The following PLCB1 variants were observed in gnomAD, a reference collection of about 807,000 sequenced individuals.
PLCB1 encodes 1-phosphatidylinositol 4,5-bisphosphate phosphodiesterase beta-1.
Under a neutral mutation model 161.8 loss-of-function variants are expected in PLCB1, and 46 were observed. That is an observed-to-expected ratio of 0.28 (90% CI 0.22 to 0.36). The LOEUF is 0.36. Ranked by LOEUF, PLCB1 falls within the 10% of genes least tolerant of loss-of-function variation. The pLI is 1.00. For synonymous variants in PLCB1, 517 were observed against 503.7 expected, an observed-to-expected ratio of 1.03 and a Z score of -0.35; for missense variants, 1,016 against 1,472.5, an observed-to-expected ratio of 0.69 and a Z score of 5.07.
At chr20:8,798,127 G>T (rs1370579208) in intron 31 of PLCB1, among the ~76,000 whole-genome samples, 1 of 151,916 alleles carries the variant, frequency 6.6e-6, no homozygotes, top group Non-Finnish European at 1.5e-5. Context: ...GACCTGGGAG[G>T]TGGAGGCTGC....
intron 3 of PLCB1, among the ~76,000 whole-genome samples, chr20:8,494,515 T>C (rs894663528): frequency 4.6e-5 from 7 of 152,196 alleles, no homozygotes; most frequent in Admixed American, 6.5e-5. Context: ...GAAGCTAGCC[T>C]GCACTTAAGT....
intron 3 of PLCB1, among the ~76,000 whole-genome samples, chr20:8,416,629 G>A (rs1979282969): frequency 6.6e-6 from 1 of 152,080 alleles, no homozygotes; most frequent in South Asian, 2.1e-4. Flanking sequence ...AAAAGATTCT[G>A]TAGATATTGA....
intron 14 of PLCB1, among the ~76,000 whole-genome samples, chr20:8,719,871 C>A (rs952537995): frequency 1.3e-5 from 2 of 152,022 alleles, no homozygotes; most frequent in Non-Finnish European, 2.9e-5. Context: ...AAAAAAGTAG[C>A]CTGAGACTCT....
At chr20:8,428,237 C>G (rs1295513740) in intron 3 of PLCB1, among the ~76,000 whole-genome samples, 1 of 144,308 alleles carries the variant, frequency 6.9e-6, no homozygotes, top group Non-Finnish European at 1.5e-5. Context: ...TTTTTTTTTT[C>G]TGTGACAGAG....
intron 2 of PLCB1, among the ~76,000 whole-genome samples, chr20:8,329,780 T>C (rs944822820): frequency 6.6e-6 from 1 of 152,174 alleles, no homozygotes; most frequent in African/African-American, 2.4e-5. Context: ...AGAGTCCACC[T>C]ATGCAATTCT....
chr20:8,742,580 G>T (rs1328834581), intron 23 of PLCB1, among the ~76,000 whole-genome samples: 1 of 152,176 alleles, frequency 6.6e-6, no homozygotes, highest in Non-Finnish European at 1.5e-5. Flanking sequence ...TAAATGTGGG[G>T]TGTATACATA....
rs35245209 is a variant in PLCB1, at chr20:8,765,269, A to G, written c.2841A>G (p.Glu947=). ...AGAAAACCACTGACCTTATCAAAGA[A>G]CACACTACCAAGTATAATGAAATTC... ...HHKKTTDLIK[E]HTTKYNEIQN... The change falls in exon 26 of 32, where the codon GAA becomes GAG. Residue 947 remains glutamate (E), a synonymous_variant. Coordinates refer to ENST00000338037, the MANE Select transcript of PLCB1 (RefSeq NM_015192.4). 1.0e-4 allele frequency: 169 copies of G among 1,614,138 alleles called. No homozygotes were observed. The African/African-American group carries it at 2.1e-3, about 20-fold the overall frequency.
chr20:8,301,810 C>A (rs76570720), intron 2 of PLCB1, among the ~76,000 whole-genome samples: 1 of 152,214 alleles, frequency 6.6e-6, no homozygotes, highest in Non-Finnish European at 1.5e-5. Flanking sequence ...TGAGTTTGCA[C>A]GGCAATATGC....
chr20:8,789,611 C>T lies in PLCB1; in HGVS notation c.3336+36C>T, dbSNP rs181530032. The stretch of plus-strand genomic sequence containing the variant: ...TCATCACGCTCTCTCCTTTGCAAAA[C>T]ATGTGTGAACATTTGGTGAGCTCGC... On this transcript the variant is annotated intron_variant, in intron 30 of 31. Transcript: ENST00000338037. 774 of 1,468,730 alleles carry T rather than the reference C, an allele frequency of 5.3e-4. 4 individuals carry two copies. In the African/African-American group the frequency reaches 8.6e-3, roughly 16 times the overall value. 91.0% of individuals were successfully genotyped at this position (1,468,730 alleles called of 1,614,324 possible).
chr20:8,571,433 G>A (rs1394606759), intron 3 of PLCB1, among the ~76,000 whole-genome samples: 1 of 152,162 alleles, frequency 6.6e-6, no homozygotes, highest in Non-Finnish European at 1.5e-5. Context: ...AGTGAGCTGA[G>A]ATCATGCCAC....
intron 2 of PLCB1, among the ~76,000 whole-genome samples, chr20:8,219,081 C>T (rs1213384973): frequency 6.6e-6 from 1 of 152,124 alleles, no homozygotes; most frequent in Non-Finnish European, 1.5e-5. Flanking sequence ...CCAATCCTAG[C>T]ATTTGAATCC....
Position 8,319,855 on chromosome 20 carries a change from G to C in PLCB1, c.178-51527G>C, listed in dbSNP as rs1477070716. 2.0e-5 allele frequency among the ~76,000 whole-genome samples: 3 copies of C among 151,404 alleles called. No homozygotes were observed. In the South Asian group the frequency reaches 6.3e-4, roughly 32 times the overall value. On this transcript the variant is annotated intron_variant, in intron 2 of 31. Transcript: ENST00000338037. ...GAAAGGAGAAGCCTCTTGGGGTGGG[G>C]GGAAGGGGGAGGGATAGCATTAGGA...
intron 6 of PLCB1, 81 bp downstream of exon 6, chr20:8,648,034 T>G: frequency 9.6e-7 from 1 of 1,045,416 alleles, no homozygotes; most frequent in Non-Finnish European, 1.4e-6. Flanking sequence ...GTTTTGTTTC[T>G]CCAGCAGCCT....
chr20:8,507,184 T>C (rs560188728), intron 3 of PLCB1, among the ~76,000 whole-genome samples: 1 of 152,182 alleles, frequency 6.6e-6, no homozygotes. Flanking sequence ...ATAAAGGTCT[T>C]CATCCTGTTT....
chr20:8,296,597 G>A (rs1287556493), intron 2 of PLCB1, among the ~76,000 whole-genome samples: 1 of 152,182 alleles, frequency 6.6e-6, no homozygotes, highest in Non-Finnish European at 1.5e-5. Flanking sequence ...GAAAAAGAAG[G>A]AGCAGAGGGA....
intron 2 of PLCB1, among the ~76,000 whole-genome samples, chr20:8,250,185 C>T (rs577514302): frequency 1.3e-5 from 2 of 151,974 alleles, no homozygotes; most frequent in South Asian, 4.2e-4. Flanking sequence ...CTGATGGGCG[C>T]CATCCCATAT....
At chr20:8,346,088 G>A (rs905239653) in intron 2 of PLCB1, among the ~76,000 whole-genome samples, 1 of 152,130 alleles carries the variant, frequency 6.6e-6, no homozygotes, top group African/African-American at 2.4e-5. Flanking sequence ...GATTTCTATC[G>A]TGTTTTTAAA....
intron 3 of PLCB1, among the ~76,000 whole-genome samples, chr20:8,525,905 G>C (rs1984567953): frequency 6.6e-6 from 1 of 151,554 alleles, no homozygotes; most frequent in South Asian, 2.1e-4. Context: ...AATGAAAATT[G>C]GGATTGAAAA....
intron 3 of PLCB1, among the ~76,000 whole-genome samples, chr20:8,561,699 A>C (rs2123024310): frequency 6.6e-6 from 1 of 152,130 alleles, no homozygotes; most frequent in Middle Eastern, 3.4e-3. Context: ...ATGAGGATTA[A>C]ATTTCATTAA....
Sources: allele counts gnomAD v4.1 joint callset (sites outside exome capture counted in the v4.1 genomes callset), GRCh38; gene constraint gnomAD v4.1.1; transcripts MANE v1.5; gene names NCBI Gene and HGNC (gene_info 2026-07-23, HGNC 2026-07-21).